The following CDON variants were observed in gnomAD, a reference collection of about 807,000 sequenced individuals.
CDON encodes cell adhesion associated, oncogene regulated, also known as cell adhesion molecule-related/down-regulated by oncogenes.
In CDON, 73 loss-of-function variants were observed where a neutral mutation model predicts 120.9. That is an observed-to-expected ratio of 0.60 (90% CI 0.50 to 0.73). CDON has a LOEUF of 0.73. CDON is among the 30% of genes least tolerant of loss of function. The probability of loss-of-function intolerance (pLI) is 0.00; values close to 1 mark genes in which losing one functional copy is unlikely to be tolerated. For missense variants in CDON, 1,470 were observed against 1,587.3 expected (o/e 0.93, Z 1.26); for synonymous variants, 566 against 573.5 (o/e 0.99, Z 0.19).
intron 18 of CDON, among the ~76,000 whole-genome samples, chr11:125,969,084 C>T (rs965361152): frequency 9.2e-5 from 14 of 152,294 alleles, no homozygotes; most frequent in Admixed American, 2.6e-4. Context: ...CTGCAACCTC[C>T]GCCTCCCAGG....
At chr11:126,023,374 C>G in intron 2 of CDON, 27 bp downstream of exon 2, 1 of 1,472,984 alleles carries the variant, frequency 6.8e-7, no homozygotes. Context: ...AAAGGCCAAA[C>G]CACCCCCTCC....
intron 1 of CDON, among the ~76,000 whole-genome samples, chr11:126,033,296 T>C (rs1359225998): frequency 6.6e-6 from 1 of 151,810 alleles, no homozygotes; most frequent in Non-Finnish European, 1.5e-5. Context: ...CAAGAGGAGC[T>C]GGAGGTAAGT....
intron 14 of CDON, among the ~76,000 whole-genome samples, chr11:125,992,729 G>A (rs1591362634): frequency 6.6e-6 from 1 of 152,312 alleles, no homozygotes; most frequent in South Asian, 2.1e-4. Flanking sequence ...GAAAAGGACT[G>A]CTACAGTATT....
chr11:126,002,339 A>G (rs971909009), intron 10 of CDON, among the ~76,000 whole-genome samples: 1 of 152,224 alleles, frequency 6.6e-6, no homozygotes, highest in African/African-American at 2.4e-5. Context: ...CTCCATGAAC[A>G]CCTAATGACT....
intron 1 of CDON, among the ~76,000 whole-genome samples, chr11:126,045,975 A>C (rs147995047): frequency 0.014 from 2,127 of 151,618 alleles, 44 homozygotes; most frequent in African/African-American, 0.042. Flanking sequence ...CGTCCTAAAA[A>C]AAAAACAAAA....
At chr11:126,055,948 A>T (rs911282084) in intron 1 of CDON, among the ~76,000 whole-genome samples, 4 of 152,228 alleles carry the variant, frequency 2.6e-5, no homozygotes, top group Non-Finnish European at 4.4e-5. Context: ...GAGCTGGTTT[A>T]AAAAATGTAT....
intron 1 of CDON, among the ~76,000 whole-genome samples, chr11:126,044,751 C>T (rs151272348): frequency 0.013 from 1,947 of 151,884 alleles, 37 homozygotes; most frequent in African/African-American, 0.044. Context: ...AGAAGGGCAG[C>T]AGGGAGGTGG....
chr11:126,057,074 T>C (rs77189073), intron 1 of CDON, among the ~76,000 whole-genome samples: 203 of 152,318 alleles, frequency 1.3e-3, no homozygotes, highest in African/African-American at 4.6e-3. Flanking sequence ...TAAAAATGAA[T>C]ACAGTTTTCA....
chr11:126,031,159 C>T lies in CDON; in HGVS notation c.-61-7622G>A, dbSNP rs560002126. The stretch of plus-strand genomic sequence containing the variant: ...TTATTCAGTAAATACTTGGTGCATG[C>T]TTACTATATACCAGGCACTGAGCTA... On this transcript the variant is annotated intron_variant, in intron 1 of 19. Transcript: ENST00000531738. 5.9e-5 allele frequency among the ~76,000 whole-genome samples: 9 copies of T among 152,256 alleles called. No individual in the cohort carries two copies. The South Asian group carries it at 1.5e-3, about 25-fold the overall frequency.
At chr11:126,055,443 GTTCC>G (rs1326023743) in intron 1 of CDON, among the ~76,000 whole-genome samples, 3 of 152,188 alleles carry the variant, frequency 2.0e-5, no homozygotes, top group Admixed American at 6.5e-5. Context: ...GGATCCCACA[GTTCC>G]TTCCATCATT....
intron 1 of CDON, among the ~76,000 whole-genome samples, chr11:126,047,571 C>T (rs1274492040): frequency 6.6e-6 from 1 of 152,208 alleles, no homozygotes; most frequent in Non-Finnish European, 1.5e-5. Flanking sequence ...ACAGCAACTG[C>T]TCGCATGCAG....
intron 1 of CDON, among the ~76,000 whole-genome samples, chr11:126,041,270 C>G (rs1285413581): frequency 6.7e-6 from 1 of 149,634 alleles, no homozygotes; most frequent in Non-Finnish European, 1.5e-5. Context: ...AGACCACAAA[C>G]AACACCAAAG....
At chr11:125,964,470 T>C (rs1945733495) in intron 18 of CDON, among the ~76,000 whole-genome samples, 1 of 152,166 alleles carries the variant, frequency 6.6e-6, no homozygotes, top group South Asian at 2.1e-4. Context: ...TCCAACTGCC[T>C]GCCAAAGGCA....
chr11:126,045,472 T>A (rs567986165), intron 1 of CDON, among the ~76,000 whole-genome samples: 26 of 152,324 alleles, frequency 1.7e-4, no homozygotes, highest in African/African-American at 6.0e-4. Flanking sequence ...TCATTAAACA[T>A]AACAATAGCA....
chr11:126,039,792 T>C (rs1307113521), intron 1 of CDON, among the ~76,000 whole-genome samples: 1 of 152,098 alleles, frequency 6.6e-6, no homozygotes, highest in African/African-American at 2.4e-5. Context: ...GTCCCATCCC[T>C]GTCTTCTTAA....
chr11:126,048,368 T>C (rs112882883), intron 1 of CDON, among the ~76,000 whole-genome samples: 1 of 151,982 alleles, frequency 6.6e-6, no homozygotes, highest in African/African-American at 2.4e-5. Flanking sequence ...CAAGAACACT[T>C]GGCACATTCC....
intron 1 of CDON, among the ~76,000 whole-genome samples, chr11:126,031,029 TAAG>T (rs1463444132): frequency 3.9e-5 from 6 of 152,148 alleles, no homozygotes; most frequent in African/African-American, 1.4e-4. Flanking sequence ...ACTGCTCAAC[TAAG>T]AAGGGCACGA....
chr11:125,965,921 C>T (rs561776496), intron 18 of CDON, among the ~76,000 whole-genome samples: 3 of 152,250 alleles, frequency 2.0e-5, no homozygotes, highest in African/African-American at 2.4e-5. Flanking sequence ...GATCACCTGA[C>T]GTCGGGAGTT....
At chr11:125,987,484 C>A (rs1161905278) in intron 15 of CDON, among the ~76,000 whole-genome samples, 1 of 152,072 alleles carries the variant, frequency 6.6e-6, no homozygotes, top group African/African-American at 2.4e-5. Context: ...TGTAAACAGG[C>A]TGGGAATTAT....
Sources: allele counts gnomAD v4.1 joint callset (sites outside exome capture counted in the v4.1 genomes callset), GRCh38; gene constraint gnomAD v4.1.1; transcripts MANE v1.5; gene names NCBI Gene and HGNC (gene_info 2026-07-23, HGNC 2026-07-21).